CRPPA: variants seen among roughly 807,000 people sequenced by gnomAD.
The protein encoded by CRPPA is CDP-L-ribitol pyrophosphorylase A.
CRPPA carries 43 observed loss-of-function variants against 52.0 expected under a neutral mutation model. The observed-to-expected ratio is 0.83, with a 90% confidence interval of 0.65 to 1.07. The LOEUF (loss-of-function observed/expected upper bound fraction) is 1.07. Among genes scored for constraint, CRPPA ranks in the 50% least tolerant of loss-of-function variants. The pLI, the probability that CRPPA is intolerant of heterozygous loss-of-function variation, is 0.00. For missense variants in CRPPA, 629 were observed against 551.7 expected (o/e 1.14, Z -1.40); for synonymous variants, 250 against 203.5 (o/e 1.23, Z -1.94).
chr7:16,216,499 C>T (rs1042704911), intron 8 of CRPPA: 15 of 256,442 alleles, frequency 5.8e-5, no homozygotes, highest in East Asian at 2.4e-4. Flanking sequence ...ACGCAGAAGA[C>T]GGGTGATTTC....
At chr7:16,294,745 CA>C (rs1268908007) in intron 5 of CRPPA, among the ~76,000 whole-genome samples, 1 of 151,962 alleles carries the variant, frequency 6.6e-6, no homozygotes, top group Non-Finnish European at 1.5e-5. Flanking sequence ...TGTCACTTTG[CA>C]TTGTCCAAAA....
At chr7:16,181,975 C>A (rs1781421066) in intron 9 of CRPPA, among the ~76,000 whole-genome samples, 2 of 151,794 alleles carry the variant, frequency 1.3e-5, no homozygotes, top group South Asian at 4.1e-4. Flanking sequence ...TAATGAGCAA[C>A]AGAACCATTA....
At chr7:16,182,297 T>C (rs866536062) in intron 9 of CRPPA, among the ~76,000 whole-genome samples, 8 of 151,972 alleles carry the variant, frequency 5.3e-5, no homozygotes, top group South Asian at 2.1e-4. Context: ...GTAAAGTTTA[T>C]GAAATATAAA....
intron 3 of CRPPA, among the ~76,000 whole-genome samples, chr7:16,351,570 AAAAC>A (rs1401648303): frequency 5.3e-5 from 8 of 152,280 alleles, no homozygotes; most frequent in Middle Eastern, 6.8e-3. Flanking sequence ...ACATGAAAAA[AAAAC>A]AAACAAACAA....
At chr7:16,372,122 A>G (rs1446357725) in intron 3 of CRPPA, among the ~76,000 whole-genome samples, 2 of 152,218 alleles carry the variant, frequency 1.3e-5, no homozygotes, top group Non-Finnish European at 1.5e-5. Flanking sequence ...TGGAAAACTT[A>G]TTTGAGGAAA....
intron 5 of CRPPA, among the ~76,000 whole-genome samples, chr7:16,285,566 G>T (rs1160219319): frequency 1.3e-5 from 2 of 152,002 alleles, no homozygotes; most frequent in Admixed American, 6.6e-5. Flanking sequence ...CACATAGTTT[G>T]ATGTGATTTA....
intron 3 of CRPPA, among the ~76,000 whole-genome samples, chr7:16,370,235 A>G (rs1046725231): frequency 3.3e-5 from 5 of 152,222 alleles, no homozygotes; most frequent in Non-Finnish European, 7.3e-5. Flanking sequence ...ACCCAAGGGT[A>G]AGCTGGAAGT....
intron 9 of CRPPA, among the ~76,000 whole-genome samples, chr7:16,173,424 A>C (rs2128385860): frequency 6.6e-6 from 1 of 152,328 alleles, no homozygotes; most frequent in Non-Finnish European, 1.5e-5. Flanking sequence ...CATTTAAGGT[A>C]GTTGAGCAAG....
chr7:16,398,059 A>G (rs1053965952), intron 2 of CRPPA, among the ~76,000 whole-genome samples: 1 of 152,260 alleles, frequency 6.6e-6, no homozygotes, highest in Admixed American at 6.5e-5. Flanking sequence ...GCTGATCGAA[A>G]TGACCAGGGC....
At chr7:16,188,233 A>G (rs1396854277) in intron 9 of CRPPA, among the ~76,000 whole-genome samples, 1 of 151,746 alleles carries the variant, frequency 6.6e-6, no homozygotes, top group Non-Finnish European at 1.5e-5. Flanking sequence ...ATCCACCCAC[A>G]TCGGCCTCCC....
chr7:16,194,623 G>GTTTTATT (rs1224433837), intron 9 of CRPPA, among the ~76,000 whole-genome samples: 1 of 152,074 alleles, frequency 6.6e-6, no homozygotes, highest in South Asian at 2.1e-4. Context: ...CTTGTATTAT[G>GTTTTATT]TTTTATTTTG....
intron 9 of CRPPA, among the ~76,000 whole-genome samples, chr7:16,167,709 G>A (rs917086852): frequency 8.5e-5 from 13 of 152,132 alleles, no homozygotes; most frequent in African/African-American, 2.4e-4. Context: ...TACATTTCAC[G>A]GACTTCTTTG....
At chr7:16,280,926 A>G (rs1011904371) in intron 5 of CRPPA, among the ~76,000 whole-genome samples, 6 of 152,170 alleles carry the variant, frequency 3.9e-5, no homozygotes, top group Admixed American at 1.3e-4. Flanking sequence ...AGGCTGAGGC[A>G]GGAGAATCGC....
chr7:16,287,464 A>G (rs942791415), intron 5 of CRPPA, among the ~76,000 whole-genome samples: 13 of 152,200 alleles, frequency 8.5e-5, no homozygotes, highest in Non-Finnish European at 1.8e-4. Context: ...CATGAGTAAC[A>G]CACATTGTTA....
At chr7:16,162,319 T>C (rs1780919342) in intron 9 of CRPPA, among the ~76,000 whole-genome samples, 1 of 152,216 alleles carries the variant, frequency 6.6e-6, no homozygotes, top group African/African-American at 2.4e-5. Context: ...CATTCAGTGC[T>C]ATAAATTTCC....
intron 3 of CRPPA, among the ~76,000 whole-genome samples, chr7:16,322,401 G>T (rs1048662236): frequency 1.3e-5 from 2 of 152,102 alleles, no homozygotes; most frequent in Admixed American, 1.3e-4. Context: ...ACACAAATGA[G>T]AAGGCCTAAG....
intron 9 of CRPPA, among the ~76,000 whole-genome samples, chr7:16,160,136 A>G (rs570464966): frequency 1.3e-5 from 2 of 152,232 alleles, no homozygotes; most frequent in Admixed American, 1.3e-4. Context: ...CTCTGATGAT[A>G]GTTTATTTTG....
chr7:16,362,823 T>C (rs1036252856), intron 3 of CRPPA, among the ~76,000 whole-genome samples: 9 of 152,162 alleles, frequency 5.9e-5, no homozygotes, highest in African/African-American at 1.9e-4. Flanking sequence ...TATATTTATT[T>C]TACTCTTCCT....
intron 3 of CRPPA, among the ~76,000 whole-genome samples, chr7:16,371,709 A>T (rs1004163300): frequency 6.6e-6 from 1 of 152,044 alleles, no homozygotes; most frequent in Admixed American, 6.6e-5. Context: ...ACAAACCAAG[A>T]TGAAATCTCT....
Sources: gnomAD v4.1 joint callset for allele counts (sites outside exome capture counted in the v4.1 genomes callset) on GRCh38, gnomAD v4.1.1 for gene constraint, MANE v1.5 for transcripts, NCBI Gene and HGNC (gene_info 2026-07-23, HGNC 2026-07-21) for gene names.